The following THSD4 variants were observed in gnomAD, a reference collection of about 807,000 sequenced individuals.
THSD4 encodes thrombospondin type-1 domain-containing protein 4.
In THSD4, 69 loss-of-function variants were observed where a neutral mutation model predicts 119.0. The observed-to-expected ratio is 0.58, with a 90% CI of 0.48 to 0.71. The LOEUF is 0.71. Among genes scored for constraint, THSD4 ranks in the 30% least tolerant of loss-of-function variants. The pLI is 0.00. For missense variants in THSD4, 1,393 were observed against 1,391.1 expected (o/e 1.00, Z -0.02); for synonymous variants, 524 against 540.4 (o/e 0.97, Z 0.42).
chr15:71,637,670 T>C (rs531678496), intron 7 of THSD4, among the ~76,000 whole-genome samples: 12 of 150,606 alleles, frequency 8.0e-5, no homozygotes, highest in Non-Finnish European at 1.8e-4. Context: ...AATGGGGAGT[T>C]GTTGTTTCAT....
At chr15:71,384,854 A>T (rs1283756574) in intron 6 of THSD4, among the ~76,000 whole-genome samples, 1 of 152,234 alleles carries the variant, frequency 6.6e-6, no homozygotes, top group African/African-American at 2.4e-5. Context: ...GGAGTACTCA[A>T]TTCTTCCAAA....
chr15:71,639,138 T>C (rs919896112), intron 7 of THSD4, among the ~76,000 whole-genome samples: 117 of 152,194 alleles, frequency 7.7e-4, no homozygotes, highest in Non-Finnish European at 5.9e-5. Context: ...GGTTGGAGAA[T>C]TGTAATCCTC....
At chr15:71,461,002 C>G (rs78198778) in intron 7 of THSD4, among the ~76,000 whole-genome samples, 3,677 of 152,254 alleles carry the variant, frequency 0.024, 72 homozygotes, top group South Asian at 0.065. Flanking sequence ...GTAGCAATAA[C>G]ATTTATCATA....
chr15:71,511,077 G>C (rs1331162065), intron 7 of THSD4, among the ~76,000 whole-genome samples: 1 of 152,128 alleles, frequency 6.6e-6, no homozygotes, highest in East Asian at 1.9e-4. Context: ...AGAAGTCTGA[G>C]TACAGAGCAA....
At chr15:71,201,767 G>A (rs185908591) in intron 3 of THSD4, among the ~76,000 whole-genome samples, 99 of 152,308 alleles carry the variant, frequency 6.5e-4, no homozygotes, top group African/African-American at 2.3e-3. Flanking sequence ...GAGCCAGGGG[G>A]ACTTGAAATG....
At chr15:71,215,604 C>T in intron 4 of THSD4, among the ~76,000 whole-genome samples, 1 of 152,230 alleles carries the variant, frequency 6.6e-6, no homozygotes, top group South Asian at 2.1e-4. Flanking sequence ...GAGGCCACTC[C>T]CACCTCACTC....
chr15:71,690,383 A>T (rs998354655), intron 8 of THSD4, among the ~76,000 whole-genome samples: 4 of 152,144 alleles, frequency 2.6e-5, no homozygotes, highest in African/African-American at 9.7e-5. Context: ...CTGAGTCTGT[A>T]CTTCTAGATA....
intron 6 of THSD4, among the ~76,000 whole-genome samples, chr15:71,274,704 T>A (rs2044570644): frequency 6.6e-6 from 1 of 152,122 alleles, no homozygotes; most frequent in South Asian, 2.1e-4. Context: ...ATTACCTACC[T>A]CTGTAAGTCT....
chr15:71,412,995 T>C (rs1414041252), intron 7 of THSD4, among the ~76,000 whole-genome samples: 1 of 152,122 alleles, frequency 6.6e-6, no homozygotes, highest in Non-Finnish European at 1.5e-5. Flanking sequence ...TGCTACTCTT[T>C]TATTTTATTT....
intron 7 of THSD4, among the ~76,000 whole-genome samples, chr15:71,446,641 A>G (rs1290108580): frequency 1.3e-5 from 2 of 152,208 alleles, no homozygotes; most frequent in South Asian, 2.1e-4. Flanking sequence ...GTTTAAGCAC[A>G]TAAAGATGGG....
intron 3 of THSD4, among the ~76,000 whole-genome samples, chr15:71,176,154 A>G (rs2141414589): frequency 6.7e-6 from 1 of 148,212 alleles, no homozygotes; most frequent in South Asian, 2.3e-4. Context: ...CTTTAAATAT[A>G]AATGGACTAC....
rs138597027 is a variant in THSD4, at chr15:71,244,772, C to T, written c.912+1676C>T. Among the ~76,000 whole-genome samples, 1,505 of 152,208 alleles carry T rather than the reference C, an allele frequency of 9.9e-3. 9 individuals are homozygous for T. The highest frequency in any genetic ancestry group is 0.025 in the Admixed American group (384 of 15,294). On this transcript the variant is annotated intron_variant, in intron 5 of 17. Coordinates refer to ENST00000261862, the MANE Select transcript of THSD4 (RefSeq NM_024817.3). ...TGTTTGGTTTCATGGTCAGACATGC[C>T]CTTGTTCCTGAATATCTGTTGCTGT...
intron 3 of THSD4, among the ~76,000 whole-genome samples, chr15:71,169,520 C>G (rs2043332527): frequency 6.6e-6 from 1 of 151,878 alleles, no homozygotes; most frequent in Non-Finnish European, 1.5e-5. Context: ...TGGAAATAAC[C>G]CAAAAGTCCA....
At chr15:71,691,535 G>A (rs1162980579) in intron 8 of THSD4, among the ~76,000 whole-genome samples, 1 of 152,194 alleles carries the variant, frequency 6.6e-6, no homozygotes, top group East Asian at 1.9e-4. Context: ...TCACTTTCTG[G>A]CTTCACAGCC....
At chr15:71,238,894 A>G (rs1256327085) in intron 4 of THSD4, among the ~76,000 whole-genome samples, 1 of 152,190 alleles carries the variant, frequency 6.6e-6, no homozygotes, top group Non-Finnish European at 1.5e-5. Context: ...TGACTACACC[A>G]TTTTACCTAC....
chr15:71,682,998 G>A (rs1307577579), intron 8 of THSD4, among the ~76,000 whole-genome samples: 3 of 139,232 alleles, frequency 2.2e-5, no homozygotes, highest in East Asian at 4.3e-4. Context: ...ATGGCTCACT[G>A]CAGCCTCAAC....
chr15:71,615,563 A>T (rs2050305993), intron 7 of THSD4, among the ~76,000 whole-genome samples: 1 of 152,174 alleles, frequency 6.6e-6, no homozygotes, highest in African/African-American at 2.4e-5. Context: ...TTCTTTTCCC[A>T]TTATCTTCAT....
intron 5 of THSD4, among the ~76,000 whole-genome samples, chr15:71,249,085 T>C (rs763331877): frequency 1.3e-5 from 2 of 152,210 alleles, no homozygotes; most frequent in Non-Finnish European, 2.9e-5. Flanking sequence ...CAGAAAATTC[T>C]CTTACTGACC....
intron 7 of THSD4, among the ~76,000 whole-genome samples, chr15:71,562,017 G>T (rs181754935): frequency 6.6e-6 from 1 of 152,260 alleles, no homozygotes; most frequent in East Asian, 1.9e-4. Context: ...GAACCTCAGA[G>T]ATAATCTAGT....
Sources: allele counts gnomAD v4.1 joint callset (sites outside exome capture counted in the v4.1 genomes callset), GRCh38; gene constraint gnomAD v4.1.1; transcripts MANE v1.5; gene names NCBI Gene and HGNC (gene_info 2026-07-23, HGNC 2026-07-21).